DPH6: variants seen among roughly 807,000 people sequenced by gnomAD.
The protein encoded by DPH6 is diphthine--ammonia ligase.
DPH6 carries 33 observed loss-of-function variants against 38.2 expected under a neutral mutation model. That is an observed-to-expected ratio of 0.86 (90% CI 0.65 to 1.15). DPH6 has a LOEUF of 1.15. Among genes scored for constraint, DPH6 ranks in the 50% most tolerant of loss-of-function variants. The pLI is 0.00. For synonymous variants in DPH6, 108 were observed against 103.0 expected, an observed-to-expected ratio of 1.05 and a Z score of -0.30; for missense variants, 325 against 320.0, an observed-to-expected ratio of 1.02 and a Z score of -0.12.
chr15:35,503,224 A>C (rs1034912904), intron 3 of DPH6, among the ~76,000 whole-genome samples: 4 of 152,004 alleles, frequency 2.6e-5, no homozygotes, highest in Non-Finnish European at 1.5e-5. Flanking sequence ...CTTTGTTATA[A>C]GTAAATAAGT....
chr15:35,407,949 T>G (rs552458777), intron 6 of DPH6, among the ~76,000 whole-genome samples: 1 of 152,052 alleles, frequency 6.6e-6, no homozygotes, highest in East Asian at 1.9e-4. Context: ...GGGTATGATA[T>G]GATTTACACT....
chr15:35,211,725 T>C, the DPH6 span, among the ~76,000 whole-genome samples: 2 of 152,208 alleles, frequency 1.3e-5, no homozygotes, highest in Non-Finnish European at 2.9e-5. Context: ...CCAAGTGGCA[T>C]GTTAACATGA....
At chr15:35,289,319 T>C (rs1158702307) in intron 3 of DPH6, among the ~76,000 whole-genome samples, 1 of 152,204 alleles carries the variant, frequency 6.6e-6, no homozygotes, top group Non-Finnish European at 1.5e-5. Flanking sequence ...ATATATTTTA[T>C]CCCCTGGCAT....
At chr15:35,456,833 A>T (rs1396450068) in intron 3 of DPH6, among the ~76,000 whole-genome samples, 1 of 152,148 alleles carries the variant, frequency 6.6e-6, no homozygotes, top group African/African-American at 2.4e-5. Context: ...TCCATTTGCC[A>T]TTCACTAGTG....
At chr15:35,521,533 T>C in intron 3 of DPH6, 2 of 1,222,538 alleles carry the variant, frequency 1.6e-6, no homozygotes. Context: ...TTGTGTTCAA[T>C]TTTGAAGAAA....
At chr15:35,193,985 T>A in the DPH6 span, among the ~76,000 whole-genome samples, 1 of 152,182 alleles carries the variant, frequency 6.6e-6, no homozygotes, top group Non-Finnish European at 1.5e-5. Context: ...TTCTGATGTT[T>A]AGCTTTCATC....
chr15:35,364,377 AC>A (rs1407440162), intron 3 of DPH6, among the ~76,000 whole-genome samples: 2 of 152,198 alleles, frequency 1.3e-5, no homozygotes, highest in African/African-American at 4.8e-5. Flanking sequence ...TAAGTTGCAG[AC>A]ATTACTCTTT....
chr15:35,189,247 C>T, the DPH6 span, among the ~76,000 whole-genome samples: 41 of 152,312 alleles, frequency 2.7e-4, no homozygotes, highest in East Asian at 6.9e-3. Context: ...GTCCTTTACC[C>T]TATTTTTCTC....
chr15:35,267,309 A>G (rs1161515358), intron 3 of DPH6, among the ~76,000 whole-genome samples: 1 of 152,208 alleles, frequency 6.6e-6, no homozygotes, highest in Non-Finnish European at 1.5e-5. Flanking sequence ...AAGGTCACAC[A>G]CAAGGATGAA....
chr15:35,436,762 T>TC (rs929351021), intron 5 of DPH6, among the ~76,000 whole-genome samples: 1 of 150,866 alleles, frequency 6.6e-6, no homozygotes, highest in Non-Finnish European at 1.5e-5. Flanking sequence ...AGTTTTTTTT[T>TC]TTTTCTTTTC....
chr15:35,425,070 A>C (rs1404656506), intron 5 of DPH6, among the ~76,000 whole-genome samples: 1 of 151,654 alleles, frequency 6.6e-6, no homozygotes, highest in Non-Finnish European at 1.5e-5. Context: ...TAGTTGAGAC[A>C]GCAACCAATA....
At chr15:35,398,644 G>A (rs1271834142) in intron 6 of DPH6, among the ~76,000 whole-genome samples, 1 of 152,184 alleles carries the variant, frequency 6.6e-6, no homozygotes, top group African/African-American at 2.4e-5. Flanking sequence ...ACCAGTAAAT[G>A]TAAGTAAAGT....
chr15:35,210,817 G>A, the DPH6 span, among the ~76,000 whole-genome samples: 5 of 151,988 alleles, frequency 3.3e-5, no homozygotes, highest in Non-Finnish European at 5.9e-5. Flanking sequence ...TGGGATAGGG[G>A]CTGTGGGTTT....
chr15:35,177,468 C>T, the DPH6 span, among the ~76,000 whole-genome samples: 10 of 151,220 alleles, frequency 6.6e-5, no homozygotes, highest in South Asian at 1.9e-3. Context: ...CACTTGTAGT[C>T]CCAGCTACTG....
the DPH6 span, among the ~76,000 whole-genome samples, chr15:35,196,124 G>A: frequency 6.6e-6 from 1 of 152,138 alleles, no homozygotes; most frequent in African/African-American, 2.4e-5. Flanking sequence ...CTGGAAAAAG[G>A]CAAACTGCTC....
At chr15:35,385,318 C>T (rs1380264611) in intron 6 of DPH6, among the ~76,000 whole-genome samples, 2 of 152,264 alleles carry the variant, frequency 1.3e-5, no homozygotes, top group East Asian at 1.9e-4. Flanking sequence ...CACATGCACA[C>T]GTATGTTTAC....
At position 35,266,539 on chromosome 15, in the gene DPH6, T is replaced by C. The variant is rs144403995; in HGVS notation, n.201-45957A>G. Reference sequence around the variant, plus strand: ...GTTAGAGTTTGCACTGTCAAGCAACTAACATAAATTTAATATTGTAGCAGT... The same window carrying C: ...GTTAGAGTTTGCACTGTCAAGCAACCAACATAAATTTAATATTGTAGCAGT... On this transcript the variant is annotated intron_variant and non_coding_transcript_variant, in intron 3 of 3. Coordinates refer to the DPH6 transcript ENST00000560386. Among the ~76,000 whole-genome samples, 1,063 of 152,334 alleles carry C rather than the reference T, an allele frequency of 7.0e-3. 15 individuals carry two copies. Among genetic ancestry groups the C allele is most frequent in the African/African-American group, 0.024 (990 of 41,576 alleles).
Position 35,479,328 on chromosome 15 carries a change from G to C in DPH6, c.313-24508C>G, listed in dbSNP as rs187650307. Among the ~76,000 whole-genome samples the C allele has an allele frequency of 2.1e-4, 32 of 152,164 alleles. No individual in the cohort carries two copies. In the East Asian group the frequency reaches 6.0e-3, roughly 28 times the overall value. ...CCTATGAGTATAGGATCATCCCACT[G>C]AATCTTAAAGTTTTGATTCTCGACA... On this transcript the variant is annotated intron_variant, in intron 3 of 8. Transcript: ENST00000256538.
In DPH6 at chr15:35,515,443, C is replaced by T. The variant is rs997291208; in HGVS notation, c.312+22831G>A. 5.9e-5 allele frequency among the ~76,000 whole-genome samples: 9 copies of T among 151,886 alleles called. No individual in the cohort carries two copies. The East Asian group carries it at 7.7e-4, about 13-fold the overall frequency. ...TGCCCATCTTTACAAAAATTAAGGC[C>T]GGGTGCGGTGGCTCACACCTGTAAT... is the stretch of plus-strand genomic sequence containing the variant. On this transcript the variant is annotated intron_variant, in intron 3 of 8. Transcript: ENST00000256538.
Sources: gnomAD v4.1 joint callset for allele counts (sites outside exome capture counted in the v4.1 genomes callset) on GRCh38, gnomAD v4.1.1 for gene constraint, MANE v1.5 for transcripts, NCBI Gene and HGNC (gene_info 2026-07-23, HGNC 2026-07-21) for gene names.